GABRG3: variants seen among roughly 807,000 people sequenced by gnomAD.
GABRG3 encodes gamma-aminobutyric acid type A receptor subunit gamma3.
GABRG3 carries 25 observed loss-of-function variants against 48.8 expected under a neutral mutation model. That is an observed-to-expected ratio of 0.51 (90% CI 0.37 to 0.72). The LOEUF (loss-of-function observed/expected upper bound fraction) is 0.72, where lower values mean the gene tolerates loss of function less well. GABRG3 is among the 30% of genes least tolerant of loss of function. The pLI is 0.00. For synonymous variants in GABRG3, 227 were observed against 217.6 expected (o/e 1.04, Z -0.38); for missense variants, 394 against 577.9 (o/e 0.68, Z 3.26).
chr15:27,493,738 G>A lies in GABRG3; in HGVS notation c.712+12951G>A, dbSNP rs1024468023. ...ATATTCTTCAATTTTAGACAGAATC[G>A]ATAGTCTCAACACTATGAAAAATGA... On this transcript the variant is annotated intron_variant, in intron 6 of 9. Coordinates refer to ENST00000615808, the MANE Select transcript of GABRG3 (RefSeq NM_033223.5). 1.7e-4 allele frequency among the ~76,000 whole-genome samples: 26 copies of A among 152,140 alleles called. 1 individual carries two copies. Among genetic ancestry groups the A allele is most frequent in the Admixed American group, 1.2e-3 (19 of 15,274 alleles).
rs138473051 is a variant in GABRG3, at chr15:27,219,908, A to C, written c.271-106901A>C. Reference sequence around the variant, plus strand: ...CTGTTTTTCATAAGAACGACTCCTTATTCTTCACCAGCAATAGAGGAGGGT... The same window carrying C: ...CTGTTTTTCATAAGAACGACTCCTTCTTCTTCACCAGCAATAGAGGAGGGT... On this transcript the variant is annotated intron_variant, in intron 3 of 9. Transcript: ENST00000615808. Among the ~76,000 whole-genome samples, 447 of 152,304 alleles carry C rather than the reference A, an allele frequency of 2.9e-3. 2 individuals carry two copies. Among genetic ancestry groups the C allele is most frequent in the Non-Finnish European group, 4.9e-3 (330 of 68,030 alleles).
rs1214841997 is a variant in GABRG3 at position 27,326,934 on chromosome 15, C to A, written c.396C>A (p.Ile132=). ...GGTTAATCTGGATCCCAGACACCATCTTCCGCAATTCTAAAACCGCAGAGG... is the reference window on the plus strand; with the variant it reads ...GGTTAATCTGGATCCCAGACACCATATTCCGCAATTCTAAAACCGCAGAGG... ...MVGLIWIPDT[I]FRNSKTAEAH... is the part of the protein sequence containing the mutation. Residue 132 remains isoleucine (I), a synonymous_variant, in exon 4 of 10, where the codon ATC becomes ATA. Transcript: ENST00000615808. 2 of 1,613,900 alleles carry A rather than the reference C, an allele frequency of 1.2e-6. No homozygotes were observed. Among genetic ancestry groups the A allele is most frequent in the African/African-American group, 1.3e-5 (1 of 74,936 alleles).
At chr15:27,304,829 G>A (rs1330516673) in intron 3 of GABRG3, among the ~76,000 whole-genome samples, 2 of 151,860 alleles carry the variant, frequency 1.3e-5, no homozygotes, top group Non-Finnish European at 1.5e-5. Context: ...CATCTTTAGG[G>A]ACTATTATTC....
At chr15:27,274,383 C>T (rs979763937) in intron 3 of GABRG3, among the ~76,000 whole-genome samples, 2 of 152,084 alleles carry the variant, frequency 1.3e-5, no homozygotes, top group African/African-American at 4.8e-5. Context: ...TGGCTTTTGG[C>T]AGGAGCTTTT....
intron 3 of GABRG3, among the ~76,000 whole-genome samples, chr15:27,204,642 T>G (rs995763091): frequency 6.6e-6 from 1 of 152,194 alleles, no homozygotes; most frequent in African/African-American, 2.4e-5. Flanking sequence ...TATAGCCATT[T>G]TAACAATATT....
At chr15:27,031,214 G>T (rs563448846) in intron 3 of GABRG3, among the ~76,000 whole-genome samples, 5 of 152,160 alleles carry the variant, frequency 3.3e-5, no homozygotes, top group African/African-American at 1.2e-4. Flanking sequence ...TTCACTCTTG[G>T]TGTTGTTTAT....
intron 5 of GABRG3, among the ~76,000 whole-genome samples, chr15:27,383,128 AGCT>A (rs1895825812): frequency 6.6e-6 from 1 of 152,236 alleles, no homozygotes; most frequent in East Asian, 1.9e-4. Flanking sequence ...GGACTCCGTG[AGCT>A]GTGCTGATGT....
At chr15:27,173,280 A>G (rs1566954429) in intron 3 of GABRG3, among the ~76,000 whole-genome samples, 1 of 152,198 alleles carries the variant, frequency 6.6e-6, no homozygotes. Flanking sequence ...TTGCAGAGAA[A>G]TGTATGCAAT....
At position 27,447,217 on chromosome 15, in the gene GABRG3, T is replaced by C. The variant is rs528964235; in HGVS notation, c.575-33433T>C. On this transcript the variant is annotated intron_variant, in intron 5 of 9. Coordinates refer to ENST00000615808, the MANE Select transcript of GABRG3 (RefSeq NM_033223.5). This position sits in a 1 kb window ranked among gnomAD's most constrained non-coding sequence, Gnocchi z 4.0. ...AAGGTTCCCATTCCAACCAGAGACA[T>C]AATTATAGGCAAAATCAGAGTCAAA... Among the ~76,000 whole-genome samples, 4 of 152,082 alleles carry C rather than the reference T, an allele frequency of 2.6e-5. No individual in the cohort carries two copies. The highest frequency in any genetic ancestry group is 6.5e-5 in the Admixed American group (1 of 15,270).
intron 6 of GABRG3, among the ~76,000 whole-genome samples, chr15:27,515,346 G>C (rs374324757): frequency 2.2e-4 from 34 of 152,208 alleles, no homozygotes; most frequent in African/African-American, 7.9e-4. Flanking sequence ...CACCTAACCC[G>C]GCTTCCCAAA....
chr15:27,273,555 C>T (rs939290550), intron 3 of GABRG3, among the ~76,000 whole-genome samples: 4 of 152,128 alleles, frequency 2.6e-5, no homozygotes, highest in African/African-American at 9.7e-5. Flanking sequence ...TGGCTCAAGG[C>T]GCAGAAGTCG....
intron 9 of GABRG3, among the ~76,000 whole-genome samples, chr15:27,532,011 A>G (rs940501270): frequency 3.9e-5 from 6 of 152,154 alleles, no homozygotes; most frequent in African/African-American, 7.2e-5. Context: ...GGACATGAGG[A>G]TCCTCTCATC....
chr15:27,293,426 C>T (rs939410212), intron 3 of GABRG3, among the ~76,000 whole-genome samples: 1 of 152,080 alleles, frequency 6.6e-6, no homozygotes, highest in East Asian at 1.9e-4. Context: ...TGGTGGCTCA[C>T]GCCTGTAATC....
chr15:27,183,160 C>T (rs112170934), intron 3 of GABRG3, among the ~76,000 whole-genome samples: 2 of 151,580 alleles, frequency 1.3e-5, no homozygotes, highest in East Asian at 1.9e-4. Context: ...AAATAATCAG[C>T]CAGAGGTTAG....
chr15:27,025,232 T>C (rs547330528), intron 2 of GABRG3, among the ~76,000 whole-genome samples: 2 of 152,168 alleles, frequency 1.3e-5, no homozygotes, highest in South Asian at 4.2e-4. Context: ...GATATACAAA[T>C]CTCTGGAAGC....
At chr15:27,356,372 G>A (rs191252013) in intron 5 of GABRG3, among the ~76,000 whole-genome samples, 3 of 152,144 alleles carry the variant, frequency 2.0e-5, no homozygotes, top group African/African-American at 7.2e-5. Flanking sequence ...TACATCTCCC[G>A]CTGGGCCTCA....
At chr15:27,456,588 A>G (rs1205954570) in intron 5 of GABRG3, among the ~76,000 whole-genome samples, 5 of 152,164 alleles carry the variant, frequency 3.3e-5, no homozygotes, top group Non-Finnish European at 5.9e-5. Flanking sequence ...GAGGTTCAGC[A>G]TTCCCTCCCC....
chr15:27,181,180 C>T (rs1203544748), intron 3 of GABRG3, among the ~76,000 whole-genome samples: 3 of 152,124 alleles, frequency 2.0e-5, no homozygotes, highest in Non-Finnish European at 4.4e-5. Context: ...CGGGGAAGGA[C>T]CAATGCTAGC....
In GABRG3 at chr15:27,447,215, C is replaced by T. The variant is rs1373604881; in HGVS notation, c.575-33435C>T. On this transcript the variant is annotated intron_variant, in intron 5 of 9. Transcript: ENST00000615808. This position sits in a 1 kb window ranked among gnomAD's most constrained non-coding sequence, Gnocchi z 4.0. ...AGAAGGTTCCCATTCCAACCAGAGACATAATTATAGGCAAAATCAGAGTCA... is the reference window on the plus strand; with the variant it reads ...AGAAGGTTCCCATTCCAACCAGAGATATAATTATAGGCAAAATCAGAGTCA... 6.6e-6 allele frequency among the ~76,000 whole-genome samples: 1 copy of T among 152,154 alleles called. No individual in the cohort carries two copies. The highest frequency in any genetic ancestry group is 1.5e-5 in the Non-Finnish European group (1 of 68,026).
Sources: allele counts gnomAD v4.1 joint callset (sites outside exome capture counted in the v4.1 genomes callset), GRCh38; gene constraint gnomAD v4.1.1; non-coding constraint Gnocchi (gnomAD v3.1); transcripts MANE v1.5; gene names NCBI Gene and HGNC (gene_info 2026-07-23, HGNC 2026-07-21).